NT5DC3: variants seen among roughly 807,000 people sequenced by gnomAD.
NT5DC3 encodes 5'-nucleotidase domain-containing protein 3.
Under a neutral mutation model 67.8 loss-of-function variants are expected in NT5DC3, and 42 were observed. That is an observed-to-expected ratio of 0.62 (90% CI 0.48 to 0.80). The LOEUF (loss-of-function observed/expected upper bound fraction) is 0.80. NT5DC3 is among the 30% of genes least tolerant of loss of function. NT5DC3 has a pLI of 0.00. For missense variants in NT5DC3, 570 were observed against 696.4 expected, an observed-to-expected ratio of 0.82 and a Z score of 2.04; for synonymous variants, 237 against 255.6, an observed-to-expected ratio of 0.93 and a Z score of 0.69.
At position 103,806,941 on chromosome 12, in the gene NT5DC3, G is replaced by C; in HGVS notation, c.394-12C>G. Reference sequence around the variant, plus strand: ...ATTTCTGCTGGATACTAAGAAAGAAGAAAGGAACTGGTTTTAGCCAACAAT... The same window carrying C: ...ATTTCTGCTGGATACTAAGAAAGAACAAAGGAACTGGTTTTAGCCAACAAT... On this transcript the variant is annotated splice_polypyrimidine_tract_variant and intron_variant, in intron 2 of 13. Coordinates refer to ENST00000392876, the MANE Select transcript of NT5DC3 (RefSeq NM_001031701.3). The C allele has an allele frequency of 2.6e-6, 4 of 1,547,570 alleles. No homozygotes were observed. Among genetic ancestry groups the C allele is most frequent in the Non-Finnish European group, 3.6e-6 (4 of 1,119,646 alleles).
rs73192034 is a variant in NT5DC3, at chr12:103,777,725, C to T, written c.*104G>A. The T allele has an allele frequency of 0.068, 86,489 of 1,270,680 alleles. 3,278 individuals are homozygous for T. The highest frequency in any genetic ancestry group is 0.079 in the Middle Eastern group (279 of 3,516). 78.7% of individuals were successfully genotyped at this position (1,270,680 alleles called of 1,614,324 possible). On this transcript the variant is annotated 3_prime_UTR_variant, in exon 14 of 14. Coordinates refer to ENST00000392876, the MANE Select transcript of NT5DC3 (RefSeq NM_001031701.3). ...AAGGTACAAAATAAATATCAAAAGG[C>T]TTATCTGTATCTTTTCCAAAAGCAA...
chr12:103,835,176 G>GTTT (rs1216364618), intron 1 of NT5DC3, among the ~76,000 whole-genome samples: 1 of 152,200 alleles, frequency 6.6e-6, no homozygotes, highest in African/African-American at 2.4e-5. Context: ...TGAACCAGCA[G>GTTT]CCTTCAAACC....
intron 6 of NT5DC3, among the ~76,000 whole-genome samples, chr12:103,795,662 A>G (rs1462305187): frequency 2.0e-5 from 3 of 152,058 alleles, no homozygotes; most frequent in African/African-American, 7.2e-5. Context: ...GTATCTTTAA[A>G]AAATATATTT....
intron 13 of NT5DC3, among the ~76,000 whole-genome samples, chr12:103,779,291 C>T (rs11111766): frequency 0.47 from 71,198 of 151,966 alleles, 17,685 homozygotes; most frequent in East Asian, 0.88. Flanking sequence ...ATCATACAAA[C>T]ACAGGATGTG....
downstream of NT5DC3, among the ~76,000 whole-genome samples, chr12:103,765,516 G>A (rs549563557): frequency 6.6e-6 from 1 of 152,298 alleles, no homozygotes; most frequent in African/African-American, 2.4e-5. Context: ...GACAAAGCCT[G>A]GGTGCCAGTC....
At chr12:103,782,304 G>A (rs541872790) in intron 12 of NT5DC3, among the ~76,000 whole-genome samples, 2 of 152,272 alleles carry the variant, frequency 1.3e-5, no homozygotes, top group Admixed American at 1.3e-4. Flanking sequence ...GGAGGCAGAG[G>A]CTGCAGTGAG....
At chr12:103,752,434 A>T in the NT5DC3 span, among the ~76,000 whole-genome samples, 7 of 152,194 alleles carry the variant, frequency 4.6e-5, no homozygotes, top group Admixed American at 1.3e-4. Context: ...TTTTTGTGGC[A>T]TTATACAATG....
At chr12:103,794,052 A>C in intron 6 of NT5DC3, 55 bp from the exon 7 acceptor site, 1 of 1,377,954 alleles carries the variant, frequency 7.3e-7, no homozygotes, top group Non-Finnish European at 1.0e-6. Context: ...AGCCTGAGTA[A>C]CAGTACAAGT....
the NT5DC3 span, chr12:103,748,894 A>C: frequency 6.5e-7 from 1 of 1,534,624 alleles, no homozygotes. Flanking sequence ...GTGGTGCCCC[A>C]TACCCTGACC....
chr12:103,797,591 A>G (rs1362921251), intron 5 of NT5DC3, among the ~76,000 whole-genome samples: 1 of 152,126 alleles, frequency 6.6e-6, no homozygotes, highest in Non-Finnish European at 1.5e-5. Flanking sequence ...CCCAGAGTCT[A>G]ATCACCCTTC....
chr12:103,790,892 T>C (rs1886025675), intron 9 of NT5DC3, among the ~76,000 whole-genome samples: 1 of 151,320 alleles, frequency 6.6e-6, no homozygotes, highest in Admixed American at 6.6e-5. Flanking sequence ...GGTTTCACCA[T>C]GTTAGCCAGG....
intron 1 of NT5DC3, among the ~76,000 whole-genome samples, chr12:103,824,643 AAGTAT>A (rs1294452782): frequency 6.6e-6 from 1 of 152,170 alleles, no homozygotes; most frequent in African/African-American, 2.4e-5. Flanking sequence ...ATTGCACATA[AAGTAT>A]ACAGTTTGAT....
At chr12:103,840,423 TCCATCCCATTCCATCCCATCCCATC>T (rs1167925559) in intron 1 of NT5DC3, among the ~76,000 whole-genome samples, 3 of 62,292 alleles carry the variant, frequency 4.8e-5, no homozygotes, top group African/African-American at 1.2e-4. Flanking sequence ...CTCATCTCAT[TCCATCCCATTCCATCCCATCCCATC>T]CCATCCCATC....
the NT5DC3 span, chr12:103,759,265 C>T: frequency 1.4e-5 from 22 of 1,613,964 alleles, no homozygotes; most frequent in African/African-American, 2.8e-4. Context: ...CCAGGACCCA[C>T]TCCAACCGGT....
the NT5DC3 span, chr12:103,753,233 G>A: frequency 3.8e-5 from 62 of 1,614,154 alleles, no homozygotes; most frequent in African/African-American, 7.5e-4. Context: ...CCACTGTTGG[G>A]GTGTTCCATC....
chr12:103,762,123 T>C, the NT5DC3 span: 1 of 1,017,232 alleles, frequency 9.8e-7, no homozygotes. Flanking sequence ...CAGAAGGGTA[T>C]TAGACCCTGG....
chr12:103,806,909 C>G lies in NT5DC3; in HGVS notation c.414G>C (p.Lys138Asn), dbSNP rs748570273. Residue 138 changes from lysine to asparagine, a missense_variant, in exon 3 of 14, where the codon AAG becomes AAC. Transcript: ENST00000392876. ...NEHRYPAEIRKYEYDPNFAIR... is the reference protein window; with the variant it reads ...NEHRYPAEIRNYEYDPNFAIR... ...TTGCAAAATTTGGGTCATACTCATA[C>G]TTCCTGATTTCTGCTGGATACTAAG... 7 of 1,606,222 alleles carry G rather than the reference C, an allele frequency of 4.4e-6. No homozygotes were observed. The South Asian group carries it at 6.6e-5, about 15-fold the overall frequency.
chr12:103,808,943 C>A (rs1242454323), intron 2 of NT5DC3, among the ~76,000 whole-genome samples: 1 of 152,240 alleles, frequency 6.6e-6, no homozygotes, highest in Admixed American at 6.5e-5. Flanking sequence ...TCCCTCACTA[C>A]ATCAGCATGA....
chr12:103,790,337 G>A (rs1175797151), intron 9 of NT5DC3, among the ~76,000 whole-genome samples: 7 of 149,230 alleles, frequency 4.7e-5, no homozygotes, highest in African/African-American at 1.5e-4. Flanking sequence ...GTGCAGTGGT[G>A]CAACCTTGGC....
Sources: allele counts gnomAD v4.1 joint callset (sites outside exome capture counted in the v4.1 genomes callset), GRCh38; gene constraint gnomAD v4.1.1; transcripts MANE v1.5; gene names NCBI Gene and HGNC (gene_info 2026-07-23, HGNC 2026-07-21).